The following ANKS1B variants were observed in gnomAD, a reference collection of about 807,000 sequenced individuals.
ANKS1B encodes ankyrin repeat and sterile alpha motif domain containing 1B, also known as ankyrin repeat and sterile alpha motif domain-containing protein 1B.
ANKS1B carries 36 observed loss-of-function variants against 148.3 expected under a neutral mutation model. The ratio of observed to expected loss-of-function variants is 0.24; its 90% confidence interval spans 0.19 to 0.32. The LOEUF (loss-of-function observed/expected upper bound fraction) is 0.32, where lower values mean the gene tolerates loss of function less well. Among genes scored for constraint, ANKS1B ranks in the 10% least tolerant of loss-of-function variants. The probability of loss-of-function intolerance (pLI) is 1.00; values close to 1 mark genes in which losing one functional copy is unlikely to be tolerated. For missense variants in ANKS1B, 1,157 were observed against 1,542.6 expected, an observed-to-expected ratio of 0.75 and a Z score of 4.19; for synonymous variants, 542 against 560.8, an observed-to-expected ratio of 0.97 and a Z score of 0.47.
chr12:99,365,627 A>C (rs1208322829), intron 12 of ANKS1B, among the ~76,000 whole-genome samples: 1 of 152,104 alleles, frequency 6.6e-6, no homozygotes, highest in Non-Finnish European at 1.5e-5. Flanking sequence ...CAAAAACTAC[A>C]CTTCCCTGGG....
intron 1 of ANKS1B, among the ~76,000 whole-genome samples, chr12:99,921,142 G>A (rs570454800): frequency 1.5e-3 from 223 of 152,236 alleles, no homozygotes; most frequent in Non-Finnish European, 2.3e-3. Flanking sequence ...ATCTCAAATT[G>A]TAATCCCCAT....
intron 14 of ANKS1B, among the ~76,000 whole-genome samples, chr12:99,208,775 C>T (rs984709929): frequency 6.6e-6 from 1 of 151,934 alleles, no homozygotes; most frequent in East Asian, 1.9e-4. Context: ...TTTTTTATGG[C>T]TTTTTAATTT....
intron 17 of ANKS1B, among the ~76,000 whole-genome samples, chr12:98,848,736 A>C (rs1258606008): frequency 9.1e-5 from 2 of 22,022 alleles, no homozygotes; most frequent in Non-Finnish European, 1.6e-4. Context: ...ATTTCTGTGT[A>C]TGTGTGGTTT....
chr12:99,673,504 A>G (rs1030259938), intron 8 of ANKS1B, among the ~76,000 whole-genome samples: 16 of 152,086 alleles, frequency 1.1e-4, no homozygotes, highest in African/African-American at 3.9e-4. Flanking sequence ...TTTGGAACAT[A>G]TGCAATATAA....
chr12:99,140,200 T>A (rs780906054), intron 15 of ANKS1B, among the ~76,000 whole-genome samples: 14 of 152,198 alleles, frequency 9.2e-5, no homozygotes, highest in African/African-American at 3.4e-4. Flanking sequence ...CACAGTACTC[T>A]GCGAACAACC....
intron 8 of ANKS1B, among the ~76,000 whole-genome samples, chr12:99,687,195 G>A (rs1213627781): frequency 6.6e-6 from 1 of 151,984 alleles, no homozygotes; most frequent in Non-Finnish European, 1.5e-5. Context: ...AAAAAGTCTG[G>A]TTTTATTCTT....
In ANKS1B at chr12:99,649,448, G is replaced by A. The variant is rs941667345; in HGVS notation, c.1272+5619C>T. 2.1e-6 allele frequency: 3 copies of A among 1,460,750 alleles called. No homozygotes were observed. The African/African-American group carries it at 4.2e-5, about 20-fold the overall frequency. The allele number at this position is 1,460,750 out of a possible 1,614,324, so 90.5% of individuals were successfully genotyped here. A position where few individuals can be genotyped will look rare whatever the true frequency, so the allele number is the denominator to read the frequency against. On this transcript the variant is annotated intron_variant, in intron 9 of 26. Coordinates refer to ENST00000683438, the MANE Select transcript of ANKS1B (RefSeq NM_001352186.2). ...TACGTTCAAGAGTTCACACACCCCTGCAGTCATAAAACCTATAGTGCCTGA... is the reference window on the plus strand; with the variant it reads ...TACGTTCAAGAGTTCACACACCCCTACAGTCATAAAACCTATAGTGCCTGA...
intron 1 of ANKS1B, among the ~76,000 whole-genome samples, chr12:99,857,821 A>AT (rs2089413079): frequency 6.6e-6 from 1 of 152,228 alleles, no homozygotes; most frequent in African/African-American, 2.4e-5. Flanking sequence ...TGCCGGGATA[A>AT]TTGACTAGCC....
At chr12:99,193,252 G>A (rs2080969225) in intron 14 of ANKS1B, among the ~76,000 whole-genome samples, 1 of 152,168 alleles carries the variant, frequency 6.6e-6, no homozygotes, top group Non-Finnish European at 1.5e-5. Context: ...CAGGAAGGTT[G>A]CTTTTACTTT....
At chr12:99,934,173 T>C (rs1285630226) in intron 1 of ANKS1B, among the ~76,000 whole-genome samples, 2 of 152,148 alleles carry the variant, frequency 1.3e-5, no homozygotes, top group Non-Finnish European at 2.9e-5. Context: ...TTTGGCTTGC[T>C]AGTGTTTTGT....
At chr12:99,247,584 C>A (rs1566730653) in intron 12 of ANKS1B, among the ~76,000 whole-genome samples, 1 of 152,128 alleles carries the variant, frequency 6.6e-6, no homozygotes, top group African/African-American at 2.4e-5. Flanking sequence ...TTTCTAATTT[C>A]TTCAGATCTT....
chr12:98,890,491 TA>T (rs1325358611), intron 17 of ANKS1B, among the ~76,000 whole-genome samples: 2 of 152,190 alleles, frequency 1.3e-5, no homozygotes, highest in African/African-American at 4.8e-5. Flanking sequence ...ATCATGAAGA[TA>T]AAGAGAACTG....
chr12:98,888,660 T>C (rs563653076), intron 17 of ANKS1B, among the ~76,000 whole-genome samples: 2 of 152,358 alleles, frequency 1.3e-5, no homozygotes, highest in East Asian at 3.9e-4. Context: ...GCTGTTCCCC[T>C]AGCCTGGGGT....
At chr12:99,362,697 CAT>C (rs1393709213) in intron 12 of ANKS1B, among the ~76,000 whole-genome samples, 1 of 151,820 alleles carries the variant, frequency 6.6e-6, no homozygotes, top group Non-Finnish European at 1.5e-5. Context: ...TATTTCCAAG[CAT>C]GTATTTTACC....
intron 17 of ANKS1B, among the ~76,000 whole-genome samples, chr12:98,889,217 T>C (rs1226165294): frequency 6.6e-6 from 1 of 152,220 alleles, no homozygotes; most frequent in Non-Finnish European, 1.5e-5. Flanking sequence ...TGATGAATTA[T>C]CACTGGGAAA....
chr12:99,711,515 A>T (rs989238507), intron 8 of ANKS1B, among the ~76,000 whole-genome samples: 4 of 152,120 alleles, frequency 2.6e-5, no homozygotes, highest in African/African-American at 9.7e-5. Flanking sequence ...AAAAGAGCAA[A>T]CAACCACATT....
chr12:99,074,024 C>T (rs1245408822), intron 16 of ANKS1B, among the ~76,000 whole-genome samples: 1 of 152,106 alleles, frequency 6.6e-6, no homozygotes, highest in Non-Finnish European at 1.5e-5. Flanking sequence ...AGGTCCCTTC[C>T]AGCTCTAAAC....
At chr12:99,698,283 C>T (rs1212261497) in intron 8 of ANKS1B, among the ~76,000 whole-genome samples, 1 of 152,062 alleles carries the variant, frequency 6.6e-6, no homozygotes, top group Non-Finnish European at 1.5e-5. Flanking sequence ...ACTGTTTCCA[C>T]CCTCAGTGGA....
At chr12:99,899,255 C>CTGAG (rs1019267068) in intron 1 of ANKS1B, among the ~76,000 whole-genome samples, 4 of 152,118 alleles carry the variant, frequency 2.6e-5, no homozygotes, top group African/African-American at 9.7e-5. Flanking sequence ...AGTGGCAGAA[C>CTGAG]TGAGATTCAA....
Sources: gnomAD v4.1 joint callset for allele counts (sites outside exome capture counted in the v4.1 genomes callset) on GRCh38, gnomAD v4.1.1 for gene constraint, MANE v1.5 for transcripts, NCBI Gene and HGNC (gene_info 2026-07-23, HGNC 2026-07-21) for gene names.